Variants in VWDE observed in about 807,000 individuals in gnomAD.
The protein encoded by VWDE is von Willebrand factor D and EGF domain-containing protein.
Under a neutral mutation model 178.4 loss-of-function variants are expected in VWDE, and 207 were observed. The ratio of observed to expected loss-of-function variants is 1.16; its 90% confidence interval spans 1.04 to 1.30. The LOEUF (loss-of-function observed/expected upper bound fraction) is 1.30. Among genes scored for constraint, VWDE ranks in the 50% most tolerant of loss-of-function variants. VWDE has a pLI of 0.00. For missense variants in VWDE, 2,287 were observed against 1,901.3 expected (o/e 1.20, Z -3.77); for synonymous variants, 738 against 651.4 (o/e 1.13, Z -2.02).
At chr7:12,342,007 G>T in intron 23 of VWDE, 52 bp downstream of exon 23, 1 of 1,403,922 alleles carries the variant, frequency 7.1e-7, no homozygotes, top group Non-Finnish European at 9.9e-7. Flanking sequence ...CAGGACATTG[G>T]CATATTTTAA....
rs12533412 is a variant in VWDE at position 12,335,409 on chromosome 7, G to A, written c.4654+732C>T. Among the ~76,000 whole-genome samples the A allele has an allele frequency of 5.5e-3, 836 of 152,066 alleles. 4 individuals carry two copies. The highest frequency in any genetic ancestry group is 0.034 in the Middle Eastern group (10 of 294). ...ATACTAAAACTCTAAAAAAGCAACC[G>A]AAATTAATTCTAGATGGTGAAATTT... is the stretch of plus-strand genomic sequence containing the variant. On this transcript the variant is annotated intron_variant, in intron 27 of 28. Coordinates refer to ENST00000275358, the MANE Select transcript of VWDE (RefSeq NM_001135924.3).
chr7:12,343,266 G>T, intron 21 of VWDE, 88 bp from the exon 22 acceptor site: 1 of 903,678 alleles, frequency 1.1e-6, no homozygotes, highest in Non-Finnish European at 1.7e-6. Context: ...ATAAAATCTT[G>T]TTGTAAGAGT....
rs181950065 is a variant in VWDE at position 12,403,667 on chromosome 7, C to G, written c.50G>C (p.Trp17Ser). The change falls in exon 1 of 29, where the codon TGG (tryptophan) becomes TCG (serine). Residue 17 changes from tryptophan (W) to serine (S), a missense_variant. Coordinates refer to ENST00000275358, the MANE Select transcript of VWDE (RefSeq NM_001135924.3). ...VLVIALMFLAWGEAQECSPGG... is the reference protein window; with the variant it reads ...VLVIALMFLASGEAQECSPGG... ...CGCCCTACCTCGCTTACCTTCCCCC[C>G]AGGCCAGGAACATCAGCGCGATCAC... 1.1e-4 allele frequency: 176 copies of G among 1,545,602 alleles called. No homozygotes were observed. The highest frequency in any genetic ancestry group is 3.5e-4 in the Admixed American group (18 of 50,978).
chr7:12,333,355 T>C (rs1262100534), intron 28 of VWDE, 110 bp downstream of exon 28: 1 of 728,098 alleles, frequency 1.4e-6, no homozygotes, highest in Non-Finnish European at 2.1e-6. Context: ...ATAAATGCTT[T>C]TTTTATTTTG....
chr7:12,374,837 T>G, intron 8 of VWDE, 75 bp from the exon 9 acceptor site: 2 of 1,169,570 alleles, frequency 1.7e-6, no homozygotes, highest in Non-Finnish European at 2.4e-6. Context: ...TGCTTAGCAA[T>G]CTCAACAAAC....
chr7:12,393,887 C>T, intron 1 of VWDE, 109 bp from the exon 2 acceptor site: 1 of 910,444 alleles, frequency 1.1e-6, no homozygotes, highest in Non-Finnish European at 1.6e-6. Flanking sequence ...AATAAACTCA[C>T]TATTGCACAT....
intron 21 of VWDE, among the ~76,000 whole-genome samples, chr7:12,343,886 T>C (rs1332372952): frequency 6.6e-6 from 1 of 152,152 alleles, no homozygotes; most frequent in Non-Finnish European, 1.5e-5. Flanking sequence ...TAGCTGTCTT[T>C]GCTTGAAGCT....
chr7:12,363,282 A>G (rs1458396810), intron 13 of VWDE, among the ~76,000 whole-genome samples: 1 of 151,868 alleles, frequency 6.6e-6, no homozygotes, highest in African/African-American at 2.4e-5. Context: ...AAAGAGTGCA[A>G]TTCACATGAA....
intron 12 of VWDE, 31 bp downstream of exon 12, chr7:12,369,514 G>A (rs1783037165): frequency 1.3e-6 from 2 of 1,482,532 alleles, no homozygotes; most frequent in Non-Finnish European, 1.8e-6. Context: ...AATATCACAT[G>A]CAATATCAAA....
chr7:12,374,892 C>A, intron 8 of VWDE, 118 bp downstream of exon 8: 1 of 1,179,370 alleles, frequency 8.5e-7, no homozygotes, highest in Non-Finnish European at 1.2e-6. Context: ...AAAATTGAAT[C>A]ATTTAAAAAC....
At chr7:12,392,748 T>C (rs1358133409) in intron 2 of VWDE, among the ~76,000 whole-genome samples, 1 of 151,006 alleles carries the variant, frequency 6.6e-6, no homozygotes, top group Non-Finnish European at 1.5e-5. Context: ...TACAAGACAA[T>C]GCTATGATCA....
At chr7:12,359,751 T>C (rs1220510549) in intron 15 of VWDE, 59 bp from the exon 16 acceptor site, 4 of 1,010,182 alleles carry the variant, frequency 4.0e-6, no homozygotes, top group Non-Finnish European at 4.4e-6. Flanking sequence ...AAAAAAAAAG[T>C]ACATAGAAGG....
intron 3 of VWDE, among the ~76,000 whole-genome samples, chr7:12,384,779 A>G (rs1036666): frequency 0.8 from 121,576 of 152,056 alleles, 49,261 homozygotes; most frequent in East Asian, 0.93. Flanking sequence ...CCAATGTTCT[A>G]AATACAGTTA....
At chr7:12,366,314 T>C (rs542957662) in intron 13 of VWDE, among the ~76,000 whole-genome samples, 38 of 152,210 alleles carry the variant, frequency 2.5e-4, no homozygotes, top group African/African-American at 8.2e-4. Flanking sequence ...GCAGGTAGTA[T>C]GAGAGTAAAT....
At position 12,344,391 on chromosome 7, in the gene VWDE, C is replaced by G; in HGVS notation, c.3965G>C (p.Gly1322Ala). Residue 1322 changes from glycine to alanine, a missense_variant, in exon 20 of 29, where the codon GGT becomes GCT. Physicochemically the swap from Gly to Ala is moderately conservative, Grantham distance 60. Coordinates refer to ENST00000275358, the MANE Select transcript of VWDE (RefSeq NM_001135924.3). ...NICKCKPGYIGSNCQTALCDP... is the reference protein window; with the variant it reads ...NICKCKPGYIASNCQTALCDP... Reference sequence around the variant, plus strand: ...TTACCTACCAGTTTGGCAGTTAGAACCAATGTAACCAGGTTTACATTTGCA... The same window carrying G: ...TTACCTACCAGTTTGGCAGTTAGAAGCAATGTAACCAGGTTTACATTTGCA... The G allele has an allele frequency of 3.9e-6, 6 of 1,550,902 alleles. No homozygotes were observed. Among genetic ancestry groups the G allele is most frequent in the African/African-American group, 1.4e-5 (1 of 73,094 alleles).
chr7:12,369,981 A>C lies in VWDE; in HGVS notation c.2325T>G (p.Leu775=), dbSNP rs905658039. The C allele has an allele frequency of 3.9e-6, 6 of 1,551,462 alleles. No homozygotes were observed. The highest frequency in any genetic ancestry group is 5.2e-6 in the Non-Finnish European group (6 of 1,146,882). The change falls in exon 12 of 29, where the codon CTT becomes CTG. Residue 775 remains leucine, a synonymous_variant. Coordinates refer to ENST00000275358, the MANE Select transcript of VWDE (RefSeq NM_001135924.3). ...CATGGTCCTCTGGGAAAAAATAAGTAAGTTCTTCCAGATCCGTTTGGCTGA... is the reference window on the plus strand; with the variant it reads ...CATGGTCCTCTGGGAAAAAATAAGTCAGTTCTTCCAGATCCGTTTGGCTGA... ...PSLSQTDLEE[L]TYFFPEDHAE...
Position 12,370,529 on chromosome 7 carries a change from A to T in VWDE, c.1797-20T>A. On this transcript the variant is annotated intron_variant, in intron 11 of 28. Coordinates refer to ENST00000275358, the MANE Select transcript of VWDE (RefSeq NM_001135924.3). ...AAAATCCTTCCAGATGGAAAACAGGAAAGAATAGTAATTTTGTACATAAAC... is the reference window on the plus strand; with the variant it reads ...AAAATCCTTCCAGATGGAAAACAGGTAAGAATAGTAATTTTGTACATAAAC... 1 of 1,531,114 alleles carries T rather than the reference A, an allele frequency of 6.5e-7. No individual in the cohort carries two copies. The highest frequency in any genetic ancestry group is 1.2e-5 in the South Asian group (1 of 82,028). The allele number at this position is 1,531,114 out of a possible 1,614,324, so 94.8% of individuals were successfully genotyped here.
chr7:12,342,032 G>T, intron 23 of VWDE, 27 bp downstream of exon 23: 1 of 1,516,280 alleles, frequency 6.6e-7, no homozygotes, highest in Non-Finnish European at 9.0e-7. Context: ...TAATTGACAT[G>T]TTCATTGAAA....
intron 1 of VWDE, among the ~76,000 whole-genome samples, chr7:12,398,071 G>A (rs1305424564): frequency 6.6e-6 from 1 of 152,006 alleles, no homozygotes; most frequent in Admixed American, 6.6e-5. Flanking sequence ...ATATACCCAG[G>A]GAAAATGAAT....
Sources: allele counts gnomAD v4.1 joint callset (sites outside exome capture counted in the v4.1 genomes callset), GRCh38; gene constraint gnomAD v4.1.1; transcripts MANE v1.5; gene names NCBI Gene and HGNC (gene_info 2026-07-23, HGNC 2026-07-21).